The following TAFA5 variants were observed in gnomAD, a reference collection of about 807,000 sequenced individuals.
TAFA5 encodes chemokine-like protein TAFA-5.
Under a neutral mutation model 15.3 loss-of-function variants are expected in TAFA5, and 6 were observed. That is an observed-to-expected ratio of 0.39 (90% CI 0.21 to 0.77). The LOEUF (loss-of-function observed/expected upper bound fraction) is 0.77. TAFA5 is among the 30% of genes least tolerant of loss of function. The pLI is 0.41. For missense variants in TAFA5, 161 were observed against 193.1 expected (o/e 0.83, Z 0.98); for synonymous variants, 103 against 80.7 (o/e 1.28, Z -1.48).
At chr22:48,658,662 T>C (rs2147212218) in intron 2 of TAFA5, among the ~76,000 whole-genome samples, 1 of 152,214 alleles carries the variant, frequency 6.6e-6, no homozygotes, top group South Asian at 2.1e-4. Context: ...CCACAAAGGG[T>C]GGAGCTGGCC....
At chr22:48,632,999 G>A (rs959451407) in intron 1 of TAFA5, among the ~76,000 whole-genome samples, 1 of 152,212 alleles carries the variant, frequency 6.6e-6, no homozygotes, top group Non-Finnish European at 1.5e-5. Flanking sequence ...GCCGTCCTCA[G>A]TCCTGGCCCC....
In TAFA5 at chr22:48,552,034, T is replaced by C. The variant is rs549391905; in HGVS notation, c.112+62330T>C. 1.3e-5 allele frequency among the ~76,000 whole-genome samples: 2 copies of C among 152,346 alleles called. No individual in the cohort carries two copies. Among genetic ancestry groups the C allele is most frequent in the East Asian group, 3.9e-4 (2 of 5,180 alleles). ...CCTGCGATGGCCGTTCAGCTCTGAC[T>C]GTCCTCCCGGCAGGAAGCGTCCTCC... On this transcript the variant is annotated intron_variant, in intron 1 of 3. Coordinates refer to ENST00000402357, the MANE Select transcript of TAFA5 (RefSeq NM_001082967.3). This position sits in a 1 kb window ranked among gnomAD's most constrained non-coding sequence, Gnocchi z 4.1.
chr22:48,598,590 C>T lies in TAFA5; in HGVS notation c.113-48007C>T, dbSNP rs1376456451. Among the ~76,000 whole-genome samples, 1 of 152,200 alleles carries T rather than the reference C, an allele frequency of 6.6e-6. No individual in the cohort carries two copies. The highest frequency in any genetic ancestry group is 1.5e-5 in the Non-Finnish European group (1 of 68,044). ...ATGTAGGCTGCCATGGTGTCACCGG[C>T]TGACCTGGTTTCACTCACACTTCTG... is the stretch of plus-strand genomic sequence containing the variant. On this transcript the variant is annotated intron_variant, in intron 1 of 3. Transcript: ENST00000402357. The surrounding 1 kb of genome is among the most constrained non-coding windows in gnomAD (Gnocchi z 4.0).
At position 48,707,779 on chromosome 22, in the gene TAFA5, G is replaced by A. The variant is rs200362354; in HGVS notation, c.325G>A (p.Asp109Asn). ...TCCGTGTCTGGAGGGGGAAGGCTGCGACTTGTTAATCAACCGGTCAGGCTG... is the reference window on the plus strand; with the variant it reads ...TCCGTGTCTGGAGGGGGAAGGCTGCAACTTGTTAATCAACCGGTCAGGCTG... ...MLPCLEGEGC[D>N]LLINRSGWTC... The change falls in exon 3 of 4, where the codon GAC (aspartate) becomes AAC (asparagine). Residue 109 changes from aspartate (D) to asparagine (N), a missense_variant. Asp to Asn is a conservative substitution (Grantham distance 23, BLOSUM62 1). Coordinates refer to ENST00000402357, the MANE Select transcript of TAFA5 (RefSeq NM_001082967.3). 2.7e-4 allele frequency: 429 copies of A among 1,613,912 alleles called. 3 individuals are homozygous for A. In the African/African-American group the frequency reaches 4.8e-3, roughly 18 times the overall value.
intron 1 of TAFA5, among the ~76,000 whole-genome samples, chr22:48,531,724 C>T (rs976531452): frequency 5.3e-5 from 8 of 152,172 alleles, no homozygotes; most frequent in Admixed American, 1.3e-4. Flanking sequence ...CTCTTGGGAA[C>T]AGAAAGGGGT....
chr22:48,614,613 G>A (rs1925530546), intron 1 of TAFA5, among the ~76,000 whole-genome samples: 2 of 152,182 alleles, frequency 1.3e-5, no homozygotes, highest in South Asian at 2.1e-4. Context: ...ACTGTGCCTG[G>A]TGTGTCCACA....
At position 48,530,733 on chromosome 22, in the gene TAFA5, G is replaced by A. The variant is rs1221325111; in HGVS notation, c.112+41029G>A. ...TTGGGCCGGGAGTCATAGCCACCTG[G>A]TTCACACCTGACCCCCAGGCCCACC... is the stretch of plus-strand genomic sequence containing the variant. On this transcript the variant is annotated intron_variant, in intron 1 of 3. Transcript: ENST00000402357. This position sits in a 1 kb window ranked among gnomAD's most constrained non-coding sequence, Gnocchi z 6.0. 1.3e-5 allele frequency among the ~76,000 whole-genome samples: 2 copies of A among 152,130 alleles called. No homozygotes were observed. Among genetic ancestry groups the A allele is most frequent in the Non-Finnish European group, 2.9e-5 (2 of 68,006 alleles).
chr22:48,748,767 G>A (rs1178295594), intron 3 of TAFA5, among the ~76,000 whole-genome samples: 1 of 152,198 alleles, frequency 6.6e-6, no homozygotes, highest in Admixed American at 6.5e-5. Context: ...GGGATTTGGG[G>A]AGGCCCTGCA....
chr22:48,612,240 G>A (rs893104305), intron 1 of TAFA5, among the ~76,000 whole-genome samples: 1 of 152,076 alleles, frequency 6.6e-6, no homozygotes, highest in African/African-American at 2.4e-5. Flanking sequence ...CAAAGTCCTT[G>A]GCCGCCAGCG....
At chr22:48,500,696 C>T (rs1920947060) in intron 1 of TAFA5, among the ~76,000 whole-genome samples, 1 of 152,250 alleles carries the variant, frequency 6.6e-6, no homozygotes, top group Admixed American at 6.5e-5. Context: ...GGAAGTGAGT[C>T]ACCAGTATCT....
chr22:48,751,868 T>C lies in TAFA5; in HGVS notation c.*2021T>C, dbSNP rs1260511879. 2 of 152,578 alleles carry C rather than the reference T, an allele frequency of 1.3e-5. No individual in the cohort carries two copies. The highest frequency in any genetic ancestry group is 2.9e-5 in the Non-Finnish European group (2 of 68,036). 9.5% of individuals were successfully genotyped at this position (152,578 alleles called of 1,614,324 possible). A position where few individuals can be genotyped will look rare whatever the true frequency, so the allele number is the denominator to read the frequency against. On this transcript the variant is annotated 3_prime_UTR_variant, in exon 4 of 4. Coordinates refer to ENST00000402357, the MANE Select transcript of TAFA5 (RefSeq NM_001082967.3). ...TACAGCATATTTTTTTTTCTTGTTT[T>C]ACAGTATTCAATTTTGTGTTGATTC...
chr22:48,676,581 T>C (rs1196645332), intron 2 of TAFA5, among the ~76,000 whole-genome samples: 1 of 152,228 alleles, frequency 6.6e-6, no homozygotes, highest in East Asian at 1.9e-4. Context: ...TCCAGTTCTT[T>C]TGTCCCAGCC....
Position 48,713,765 on chromosome 22 carries a change from T to C in TAFA5, c.390+5921T>C, listed in dbSNP as rs182707051. ...GCTTGCCTTGTCCAGGCCACCAGGA[T>C]CCTTGCCCCTGAGCTTCCTGCAAGC... On this transcript the variant is annotated intron_variant, in intron 3 of 3. Transcript: ENST00000402357. 1.1e-4 allele frequency among the ~76,000 whole-genome samples: 17 copies of C among 152,310 alleles called. No individual in the cohort carries two copies. The East Asian group carries it at 2.5e-3, about 22-fold the overall frequency.
chr22:48,495,897 C>T (rs1178154531), intron 1 of TAFA5, among the ~76,000 whole-genome samples: 1 of 152,204 alleles, frequency 6.6e-6, no homozygotes, highest in Admixed American at 6.5e-5. Flanking sequence ...TCTGTCCAGC[C>T]CTGGAGTCCA....
intron 3 of TAFA5, among the ~76,000 whole-genome samples, chr22:48,734,866 A>T (rs1929963777): frequency 6.6e-6 from 1 of 152,070 alleles, no homozygotes; most frequent in South Asian, 2.1e-4. Flanking sequence ...CCCAAGTTGG[A>T]CTCTTACCTC....
Position 48,700,728 on chromosome 22 carries a change from G to A in TAFA5, c.263-6989G>A, listed in dbSNP as rs532120545. 6.6e-5 allele frequency among the ~76,000 whole-genome samples: 10 copies of A among 152,288 alleles called. No homozygotes were observed. The East Asian group carries it at 1.7e-3, about 27-fold the overall frequency. On this transcript the variant is annotated intron_variant, in intron 2 of 3. Coordinates refer to ENST00000402357, the MANE Select transcript of TAFA5 (RefSeq NM_001082967.3). ...TGCAGGCCGGATGAGAGCTTGTCTGGCAGCTCTGAGATCATCACAGGTTCT... is the reference window on the plus strand; with the variant it reads ...TGCAGGCCGGATGAGAGCTTGTCTGACAGCTCTGAGATCATCACAGGTTCT...
intron 1 of TAFA5, among the ~76,000 whole-genome samples, chr22:48,577,630 C>G (rs543685047): frequency 6.6e-6 from 1 of 152,210 alleles, no homozygotes; most frequent in African/African-American, 2.4e-5. Context: ...CAGCTGCTTT[C>G]CTGACTAATT....
At chr22:48,581,474 G>A (rs1924037870) in intron 1 of TAFA5, among the ~76,000 whole-genome samples, 1 of 152,240 alleles carries the variant, frequency 6.6e-6, no homozygotes, top group South Asian at 2.1e-4. Context: ...GCGGAGAATG[G>A]TTTTATTCCC....
intron 1 of TAFA5, among the ~76,000 whole-genome samples, chr22:48,565,227 G>C (rs1462992732): frequency 6.6e-6 from 1 of 152,220 alleles, no homozygotes; most frequent in Non-Finnish European, 1.5e-5. Flanking sequence ...CCAAGTGCTG[G>C]GTGGGGTGTA....
Sources: gnomAD v4.1 joint callset for allele counts (sites outside exome capture counted in the v4.1 genomes callset) on GRCh38, gnomAD v4.1.1 for gene constraint, Gnocchi (gnomAD v3.1) non-coding constraint, MANE v1.5 for transcripts, NCBI Gene and HGNC (gene_info 2026-07-23, HGNC 2026-07-21) for gene names.